The following IGSF21 variants were observed in gnomAD, a reference collection of about 807,000 sequenced individuals.
IGSF21 encodes immunoglobulin superfamily member 21.
In IGSF21, 28 loss-of-function variants were observed where a neutral mutation model predicts 46.8. The ratio of observed to expected loss-of-function variants is 0.60; its 90% CI spans 0.44 to 0.82. The LOEUF (loss-of-function observed/expected upper bound fraction) is 0.82, where lower values mean the gene tolerates loss of function less well. Among genes scored for constraint, IGSF21 ranks in the 40% least tolerant of loss-of-function variants. The pLI is 0.00. For missense variants in IGSF21, 624 were observed against 665.5 expected (o/e 0.94, Z 0.69); for synonymous variants, 284 against 273.6 (o/e 1.04, Z -0.38).
At chr1:18,278,169 G>A (rs1306460611) in intron 2 of IGSF21, among the ~76,000 whole-genome samples, 1 of 151,610 alleles carries the variant, frequency 6.6e-6, no homozygotes, top group Non-Finnish European at 1.5e-5. Context: ...ATGAATGGAG[G>A]GTGGGGGGAG....
At chr1:18,215,258 T>C (rs2084432319) in intron 1 of IGSF21, among the ~76,000 whole-genome samples, 1 of 152,242 alleles carries the variant, frequency 6.6e-6, no homozygotes, top group South Asian at 2.1e-4. Flanking sequence ...CATAGATTCA[T>C]GGATTCATTC....
chr1:18,260,711 GCATGTCTTATGGAAAGTTCCTT>G (rs931933470), intron 2 of IGSF21, among the ~76,000 whole-genome samples: 11 of 152,180 alleles, frequency 7.2e-5, no homozygotes, highest in South Asian at 2.1e-4. Flanking sequence ...GCACTGGTGG[GCATGTCTTATGGAAAGTTCCTT>G]CATGTCTTAT....
At chr1:18,353,126 T>A (rs1307421472) in intron 4 of IGSF21, among the ~76,000 whole-genome samples, 3 of 151,846 alleles carry the variant, frequency 2.0e-5, no homozygotes, top group African/African-American at 7.3e-5. Flanking sequence ...CGGCTCCATT[T>A]GGGGGCTTTT....
Position 18,359,389 on chromosome 1 carries a change from A to T in IGSF21, c.425-2726A>T, listed in dbSNP as rs538036180. On this transcript the variant is annotated intron_variant, in intron 4 of 9. Coordinates refer to ENST00000251296, the MANE Select transcript of IGSF21 (RefSeq NM_032880.5). ...AAGAAAGAAAGAAAGAAAGAAAGGA[A>T]GGAAGGAAGGAAGGAAGGAAGGAAG... Among the ~76,000 whole-genome samples the T allele has an allele frequency of 3.5e-4, 30 of 85,714 alleles. 1 individual carries two copies. The highest frequency in any genetic ancestry group is 1.2e-3 in the African/African-American group (27 of 22,648). 56.2% of individuals were successfully genotyped at this position (85,714 alleles called of 152,430 possible). A position where few individuals can be genotyped will look rare whatever the true frequency, so the allele number is the denominator to read the frequency against.
intron 6 of IGSF21, among the ~76,000 whole-genome samples, chr1:18,375,463 A>G (rs1466929309): frequency 6.6e-6 from 1 of 152,222 alleles, no homozygotes; most frequent in East Asian, 1.9e-4. Context: ...AATGATCCCG[A>G]GTGGCTCCTC....
At chr1:18,152,338 T>A (rs1468036827) in intron 1 of IGSF21, among the ~76,000 whole-genome samples, 1 of 152,190 alleles carries the variant, frequency 6.6e-6, no homozygotes, top group Admixed American at 6.5e-5. Flanking sequence ...GCAGTCATCG[T>A]GCCCTGCCCT....
At chr1:18,239,235 C>G (rs111431727) in intron 2 of IGSF21, among the ~76,000 whole-genome samples, 3,882 of 151,984 alleles carry the variant, frequency 0.026, 151 homozygotes, top group African/African-American at 0.084. Context: ...TGAACTTCAG[C>G]TCCAGCACAC....
chr1:18,311,743 G>C lies in IGSF21; in HGVS notation c.305+19756G>C, dbSNP rs185527182. On this transcript the variant is annotated intron_variant, in intron 3 of 9. Coordinates refer to ENST00000251296, the MANE Select transcript of IGSF21 (RefSeq NM_032880.5). ...ACATCTTACATGGTGGCAGACAAGA[G>C]AGAATGAGAGCCAAGTGAAAGGGAT... is the stretch of plus-strand genomic sequence containing the variant. Among the ~76,000 whole-genome samples, 673 of 152,316 alleles carry C rather than the reference G, an allele frequency of 4.4e-3. 2 individuals are homozygous for C. Among genetic ancestry groups the C allele is most frequent in the Non-Finnish European group, 7.0e-3 (479 of 68,022 alleles).
At chr1:18,205,133 A>T (rs1027076692) in intron 1 of IGSF21, among the ~76,000 whole-genome samples, 2 of 147,292 alleles carry the variant, frequency 1.4e-5, no homozygotes, top group African/African-American at 4.9e-5. Flanking sequence ...GAAGAAAGAT[A>T]AGAAGGGGAG....
At chr1:18,231,494 G>A (rs1455849375) in intron 2 of IGSF21, among the ~76,000 whole-genome samples, 1 of 152,200 alleles carries the variant, frequency 6.6e-6, no homozygotes, top group East Asian at 1.9e-4. Context: ...CCCGTTTGTA[G>A]AATAAGATGC....
At chr1:18,223,165 C>T (rs1557594705) in intron 1 of IGSF21, among the ~76,000 whole-genome samples, 4 of 152,264 alleles carry the variant, frequency 2.6e-5, no homozygotes, top group Non-Finnish European at 5.9e-5. Flanking sequence ...CCTCTGCCCA[C>T]CATCTCTCAC....
chr1:18,332,788 T>C (rs376801639), intron 3 of IGSF21, among the ~76,000 whole-genome samples: 3 of 152,116 alleles, frequency 2.0e-5, no homozygotes, highest in Non-Finnish European at 4.4e-5. Context: ...GTGTGTTCTA[T>C]GTAAATGAAG....
At chr1:18,269,196 A>G (rs2085019444) in intron 2 of IGSF21, among the ~76,000 whole-genome samples, 1 of 152,152 alleles carries the variant, frequency 6.6e-6, no homozygotes. Context: ...GGGATCCCAT[A>G]GCATCTGCAG....
rs181919726 is a variant in IGSF21 at position 18,149,091 on chromosome 1, G to A, written c.70+40893G>A. 3.0e-3 allele frequency among the ~76,000 whole-genome samples: 460 copies of A among 152,310 alleles called. 2 individuals carry two copies. The highest frequency in any genetic ancestry group is 5.4e-3 in the East Asian group (28 of 5,154). On this transcript the variant is annotated intron_variant, in intron 1 of 9. Coordinates refer to ENST00000251296, the MANE Select transcript of IGSF21 (RefSeq NM_032880.5). Reference sequence around the variant, plus strand: ...CAGGGTTCAGAGGTCTGCATGCTCCGTAGTACTCCTGCGGCCCACCTTGCC... The same window carrying A: ...CAGGGTTCAGAGGTCTGCATGCTCCATAGTACTCCTGCGGCCCACCTTGCC...
chr1:18,314,749 G>C (rs1292883073), intron 3 of IGSF21, among the ~76,000 whole-genome samples: 1 of 152,196 alleles, frequency 6.6e-6, no homozygotes. Context: ...TGCACCAGTG[G>C]CCTGCTGGGA....
At chr1:18,122,289 C>T (rs1248425880) in intron 1 of IGSF21, among the ~76,000 whole-genome samples, 1 of 149,510 alleles carries the variant, frequency 6.7e-6, no homozygotes, top group Middle Eastern at 3.4e-3. Context: ...AACCTCCGCC[C>T]CCAGGGTTCT....
intron 6 of IGSF21, among the ~76,000 whole-genome samples, chr1:18,371,326 C>T (rs2086221312): frequency 6.6e-6 from 1 of 152,188 alleles, no homozygotes; most frequent in Non-Finnish European, 1.5e-5. Flanking sequence ...AATCTCAGAA[C>T]TTTGGGAGGC....
At chr1:18,265,308 C>G (rs2084980242) in intron 2 of IGSF21, among the ~76,000 whole-genome samples, 1 of 152,152 alleles carries the variant, frequency 6.6e-6, no homozygotes, top group Non-Finnish European at 1.5e-5. Context: ...GAACAAGCCC[C>G]ATATCACCTT....
intron 1 of IGSF21, chr1:18,112,395 A>G (rs2124398865): frequency 6.6e-6 from 1 of 152,280 alleles, no homozygotes; most frequent in South Asian, 2.1e-4. Flanking sequence ...AGAGGGAGGA[A>G]GGGGCTATTA....
Sources: allele counts gnomAD v4.1 joint callset (sites outside exome capture counted in the v4.1 genomes callset), GRCh38; gene constraint gnomAD v4.1.1; transcripts MANE v1.5; gene names NCBI Gene and HGNC (gene_info 2026-07-23, HGNC 2026-07-21).